Variants in ACVR1C observed in about 807,000 individuals in gnomAD.
ACVR1C encodes activin A receptor type 1C.
Under a neutral mutation model 57.9 loss-of-function variants are expected in ACVR1C, and 23 were observed. That is an observed-to-expected ratio of 0.40 (90% CI 0.29 to 0.56). The LOEUF (loss-of-function observed/expected upper bound fraction) is 0.56. Among genes scored for constraint, ACVR1C ranks in the 20% least tolerant of loss-of-function variants. The pLI, the probability that ACVR1C is intolerant of heterozygous loss-of-function variation, is 0.50. For synonymous variants in ACVR1C, 214 were observed against 215.3 expected (o/e 0.99, Z 0.05); for missense variants, 480 against 607.9 (o/e 0.79, Z 2.21).
intron 3 of ACVR1C, among the ~76,000 whole-genome samples, chr2:157,550,882 AATG>A (rs1487052032): frequency 1.1e-4 from 16 of 152,326 alleles, no homozygotes; most frequent in African/African-American, 3.6e-4. Context: ...CATGTGAGAT[AATG>A]ATATTACACT....
At chr2:157,536,773 A>G (rs956288975) in intron 8 of ACVR1C, among the ~76,000 whole-genome samples, 2 of 152,206 alleles carry the variant, frequency 1.3e-5, no homozygotes, top group Non-Finnish European at 2.9e-5. Flanking sequence ...ATGGTATAAA[A>G]TGAGGCCAAT....
intron 1 of ACVR1C, among the ~76,000 whole-genome samples, chr2:157,615,889 T>C (rs1168370371): frequency 2.6e-5 from 4 of 152,202 alleles, no homozygotes; most frequent in Non-Finnish European, 4.4e-5. Context: ...TTCCTCTTTA[T>C]GTAAGAGGTA....
intron 4 of ACVR1C, among the ~76,000 whole-genome samples, chr2:157,545,600 C>T (rs1288058086): frequency 6.6e-6 from 1 of 151,936 alleles, no homozygotes. Context: ...GTGAAACTGT[C>T]AATGTTGCAA....
chr2:157,573,401 T>C (rs1688570623), intron 2 of ACVR1C, among the ~76,000 whole-genome samples: 1 of 152,158 alleles, frequency 6.6e-6, no homozygotes, highest in Non-Finnish European at 1.5e-5. Context: ...ATTATCTGAA[T>C]TAGTGAAAAA....
At position 157,628,677 on chromosome 2, in the gene ACVR1C, C is replaced by A. The variant is rs1018518018; in HGVS notation, c.-33G>T. The A allele has an allele frequency of 5.2e-6, 8 of 1,526,040 alleles. No individual in the cohort carries two copies. In the African/African-American group the frequency reaches 1.1e-4, roughly 21 times the overall value. The allele number at this position is 1,526,040 out of a possible 1,614,324, so 94.5% of individuals were successfully genotyped here. ...AGGCGGCCGCGCCGGGGCTGCGAGG[C>A]CCCAGAGCAGAGCGAGGCAGCCGGG... is the stretch of plus-strand genomic sequence containing the variant. On this transcript the variant is annotated 5_prime_UTR_variant, in exon 1 of 9. Coordinates refer to ENST00000243349, the MANE Select transcript of ACVR1C (RefSeq NM_145259.3).
rs1314218976 is a variant in ACVR1C, at chr2:157,528,093, GA to G, written c.*5824del. 6.6e-6 allele frequency: 1 copy of G among 152,152 alleles called. No individual in the cohort carries two copies. Among genetic ancestry groups the G allele is most frequent in the East Asian group, 1.9e-4 (1 of 5,200 alleles). 9.4% of individuals were successfully genotyped at this position (152,152 alleles called of 1,614,324 possible). ...GACTTTTTAATTCTCATTTTCTGAA[GA>G]TGTATAAGCCAGACCATTCTTTAAA... On this transcript the variant is annotated 3_prime_UTR_variant, in exon 9 of 9. Transcript: ENST00000243349.
intron 2 of ACVR1C, among the ~76,000 whole-genome samples, chr2:157,557,474 T>C (rs1305697056): frequency 2.6e-5 from 4 of 152,124 alleles, no homozygotes. Context: ...TGCTTGATTT[T>C]AATTCCTAGC....
rs375535621 is a variant in ACVR1C, at chr2:157,541,826, C to T, written c.1101-612G>A. Among the ~76,000 whole-genome samples, 534 of 152,294 alleles carry T rather than the reference C, an allele frequency of 3.5e-3. 1 individual carries two copies. Among genetic ancestry groups the T allele is most frequent in the Non-Finnish European group, 6.2e-3 (420 of 68,024 alleles). ...AATACGGCTTGAAGGCCAGGTATAG[C>T]AACTTAGAATTTCTCTACTCTCAAG... On this transcript the variant is annotated intron_variant, in intron 6 of 8. Transcript: ENST00000243349.
chr2:157,589,065 G>A (rs1240704402), intron 1 of ACVR1C, among the ~76,000 whole-genome samples: 1 of 151,488 alleles, frequency 6.6e-6, no homozygotes, highest in Non-Finnish European at 1.5e-5. Flanking sequence ...GGGATTGCTG[G>A]ATCAAATGGT....
Position 157,611,354 on chromosome 2 carries a change from G to A in ACVR1C, c.73+17218C>T, listed in dbSNP as rs1351399456. ...GAGTATGGTTATGAGTGGAGGCTGTGGTGAAGTTGTGCTGATGACAGGAAT... is the reference window on the plus strand; with the variant it reads ...GAGTATGGTTATGAGTGGAGGCTGTAGTGAAGTTGTGCTGATGACAGGAAT... On this transcript the variant is annotated intron_variant, in intron 1 of 8. Transcript: ENST00000243349. Among the ~76,000 whole-genome samples the A allele has an allele frequency of 2.0e-5, 3 of 152,314 alleles. No individual in the cohort carries two copies. The South Asian group carries it at 6.2e-4, about 32-fold the overall frequency.
chr2:157,627,279 T>G (rs1667873547), intron 1 of ACVR1C, among the ~76,000 whole-genome samples: 1 of 152,296 alleles, frequency 6.6e-6, no homozygotes, highest in African/African-American at 2.4e-5. Flanking sequence ...TTTCACCCAT[T>G]TTTTAAAGAC....
chr2:157,549,829 C>CAAAAAAAAAAA (rs1173469291), intron 4 of ACVR1C, among the ~76,000 whole-genome samples: 26 of 47,514 alleles, frequency 5.5e-4, no homozygotes, highest in East Asian at 1.2e-3. Context: ...ACTAAAAATA[C>CAAAAAAAAAAA]AAAAAAAAAA....
chr2:157,576,482 G>A (rs534999107), intron 2 of ACVR1C, among the ~76,000 whole-genome samples: 2 of 152,158 alleles, frequency 1.3e-5, no homozygotes, highest in African/African-American at 4.8e-5. Context: ...GGGATTACAG[G>A]CATGAGCCAA....
chr2:157,554,241 AAG>A (rs1491487286), intron 3 of ACVR1C, among the ~76,000 whole-genome samples: 8 of 136,152 alleles, frequency 5.9e-5, no homozygotes, highest in African/African-American at 2.7e-4. Flanking sequence ...GAAAGAAAGA[AAG>A]AAAGAAAGAA....
At chr2:157,609,051 T>A (rs1682470552) in intron 1 of ACVR1C, among the ~76,000 whole-genome samples, 1 of 151,936 alleles carries the variant, frequency 6.6e-6, no homozygotes, top group Admixed American at 6.6e-5. Flanking sequence ...TTCATTGAGG[T>A]GCCTTGTTAG....
intron 1 of ACVR1C, among the ~76,000 whole-genome samples, chr2:157,601,199 C>T (rs547208657): frequency 1.3e-5 from 2 of 152,120 alleles, no homozygotes; most frequent in Admixed American, 1.3e-4. Context: ...CTCCTGTAAT[C>T]ACAGCTACTC....
chr2:157,581,192 G>C (rs139725399), intron 2 of ACVR1C, among the ~76,000 whole-genome samples: 43 of 152,056 alleles, frequency 2.8e-4, no homozygotes, highest in Non-Finnish European at 5.9e-4. Context: ...GGTTTCCCAA[G>C]ACCATGAGCT....
At chr2:157,597,681 C>A (rs1682168666) in intron 1 of ACVR1C, 3 of 504,190 alleles carry the variant, frequency 6.0e-6, no homozygotes, top group Non-Finnish European at 7.7e-6. Flanking sequence ...ATTTCTCAAG[C>A]ATTTTTAAAA....
Position 157,532,376 on chromosome 2 carries a change from T to G in ACVR1C, c.*1542A>C, listed in dbSNP as rs919733358. On this transcript the variant is annotated 3_prime_UTR_variant, in exon 9 of 9. Coordinates refer to ENST00000243349, the MANE Select transcript of ACVR1C (RefSeq NM_145259.3). ...TAGCATTTCTTTACTGTTATTAGTT[T>G]TTTTTTTTTTTTTTACTGTTATCAA... is the stretch of plus-strand genomic sequence containing the variant. 2.0e-5 allele frequency: 3 copies of G among 150,906 alleles called. No individual in the cohort carries two copies. Among genetic ancestry groups the G allele is most frequent in the East Asian group, 1.9e-4 (1 of 5,186 alleles). The allele number at this position is 150,906 out of a possible 1,614,324, so 9.3% of individuals were successfully genotyped here.
Sources: allele counts gnomAD v4.1 joint callset (sites outside exome capture counted in the v4.1 genomes callset), GRCh38; gene constraint gnomAD v4.1.1; transcripts MANE v1.5; gene names NCBI Gene and HGNC (gene_info 2026-07-23, HGNC 2026-07-21).